SPACA7: variants seen among roughly 807,000 people sequenced by gnomAD.
SPACA7 encodes the protein sperm acrosome-associated protein 7.
SPACA7 carries 19 observed loss-of-function variants against 26.3 expected under a neutral mutation model. The ratio of observed to expected loss-of-function variants is 0.72; its 90% CI spans 0.50 to 1.06. The LOEUF (loss-of-function observed/expected upper bound fraction) is 1.06, where lower values mean the gene tolerates loss of function less well. SPACA7 is among the 50% of genes least tolerant of loss of function. The pLI, the probability that SPACA7 is intolerant of heterozygous loss-of-function variation, is 0.00. For missense variants in SPACA7, 211 were observed against 229.9 expected, an observed-to-expected ratio of 0.92 and a Z score of 0.53; for synonymous variants, 84 against 84.5, an observed-to-expected ratio of 0.99 and a Z score of 0.04.
intron 1 of SPACA7, among the ~76,000 whole-genome samples, chr13:112,380,872 A>G (rs532719147): frequency 6.6e-6 from 1 of 152,238 alleles, no homozygotes; most frequent in African/African-American, 2.4e-5. Flanking sequence ...TCAACAGAGA[A>G]AACTAGGAGT....
At chr13:112,383,703 C>T (rs1884354182) in intron 1 of SPACA7, among the ~76,000 whole-genome samples, 2 of 152,180 alleles carry the variant, frequency 1.3e-5, no homozygotes, top group African/African-American at 4.8e-5. Context: ...GGTCAGGAAC[C>T]TTGTACAGGG....
intron 5 of SPACA7, among the ~76,000 whole-genome samples, chr13:112,427,495 T>C (rs1371646272): frequency 1.3e-5 from 2 of 152,236 alleles, no homozygotes; most frequent in African/African-American, 4.8e-5. Flanking sequence ...GGGACATTGG[T>C]CTGTGGTTTG....
Position 112,376,497 on chromosome 13 carries a change from T to C in SPACA7, c.94+18T>C. On this transcript the variant is annotated intron_variant, in intron 1 of 6. Transcript: ENST00000283550. ...GATTCCAGGTAGGGCCCCACAGGGA[T>C]GTCTCAGCAGAAAGAGAACTGAACC... is the stretch of plus-strand genomic sequence containing the variant. The C allele has an allele frequency of 6.2e-7, 1 of 1,607,862 alleles. No homozygotes were observed. Among genetic ancestry groups the C allele is most frequent in the South Asian group, 1.1e-5 (1 of 89,796 alleles).
At chr13:112,376,795 A>ACG (rs1883726453) in intron 1 of SPACA7, among the ~76,000 whole-genome samples, 1 of 152,070 alleles carries the variant, frequency 6.6e-6, no homozygotes, top group East Asian at 1.9e-4. Flanking sequence ...CTACACACAC[A>ACG]CACATACACA....
At chr13:112,412,839 A>G (rs1462559848) in intron 5 of SPACA7, among the ~76,000 whole-genome samples, 2 of 152,142 alleles carry the variant, frequency 1.3e-5, no homozygotes, top group East Asian at 3.8e-4. Context: ...TGTATTTATT[A>G]CAGATTTTTG....
At chr13:112,391,730 TC>T (rs2138910963) in intron 1 of SPACA7, among the ~76,000 whole-genome samples, 1 of 152,318 alleles carries the variant, frequency 6.6e-6, no homozygotes, top group Non-Finnish European at 1.5e-5. Context: ...GCACAATACT[TC>T]CATTATAATT....
intron 2 of SPACA7, among the ~76,000 whole-genome samples, chr13:112,396,369 C>A (rs1018757202): frequency 1.3e-5 from 2 of 152,142 alleles, no homozygotes. Flanking sequence ...TCAGCTGAAT[C>A]CTATCCTCTG....
chr13:112,403,671 G>A (rs1244905449), intron 5 of SPACA7, among the ~76,000 whole-genome samples: 5 of 152,102 alleles, frequency 3.3e-5, no homozygotes, highest in African/African-American at 1.2e-4. Flanking sequence ...GAGAACATAC[G>A]ATGTTTGGTT....
chr13:112,386,490 GT>G (rs1025543664), intron 1 of SPACA7, among the ~76,000 whole-genome samples: 13 of 151,638 alleles, frequency 8.6e-5, no homozygotes, highest in Non-Finnish European at 1.5e-4. Context: ...GTCTTTTTTT[GT>G]TTGTTTTTTG....
chr13:112,378,153 C>T (rs949882405), intron 1 of SPACA7, among the ~76,000 whole-genome samples: 1 of 152,096 alleles, frequency 6.6e-6, no homozygotes. Flanking sequence ...CTCACTAACA[C>T]CCAGTCAGGA....
intron 4 of SPACA7, among the ~76,000 whole-genome samples, chr13:112,400,515 T>A (rs1762629183): frequency 6.6e-6 from 1 of 152,172 alleles, no homozygotes; most frequent in African/African-American, 2.4e-5. Context: ...ATTACTATAG[T>A]CTGTGGGTTA....
At chr13:112,421,370 AG>A (rs1467699121) in intron 5 of SPACA7, among the ~76,000 whole-genome samples, 10 of 152,302 alleles carry the variant, frequency 6.6e-5, no homozygotes, top group Admixed American at 2.0e-4. Context: ...ATATTTGTAA[AG>A]CCTAGATCCA....
rs149604052 is a variant in SPACA7, at chr13:112,390,465, C to T, written c.95-2556C>T. Among the ~76,000 whole-genome samples, 22 of 146,646 alleles carry T rather than the reference C, an allele frequency of 1.5e-4. 1 individual carries two copies. The East Asian group carries it at 1.9e-3, about 13-fold the overall frequency. On this transcript the variant is annotated intron_variant, in intron 1 of 6. Coordinates refer to ENST00000283550, the MANE Select transcript of SPACA7 (RefSeq NM_145248.5). ...AAAAAATGGCAGTGTTAGCACAATC[C>T]GAGAGCAGCATTTTTGGCCCTCTGT... is the stretch of plus-strand genomic sequence containing the variant.
At chr13:112,430,792 C>T (rs1471104988) in intron 5 of SPACA7, among the ~76,000 whole-genome samples, 2 of 152,202 alleles carry the variant, frequency 1.3e-5, no homozygotes, top group Non-Finnish European at 2.9e-5. Context: ...GCATCATATA[C>T]TCTTCCCTGG....
At chr13:112,433,694 A>G (rs1186089550) in intron 6 of SPACA7, among the ~76,000 whole-genome samples, 1 of 151,604 alleles carries the variant, frequency 6.6e-6, no homozygotes, top group Non-Finnish European at 1.5e-5. Context: ...TGGGGCCCCC[A>G]GCCCCCCAAG....
chr13:112,404,978 CTTTT>C (rs373253878), intron 5 of SPACA7, among the ~76,000 whole-genome samples: 209 of 94,252 alleles, frequency 2.2e-3, no homozygotes, highest in African/African-American at 6.7e-3. Flanking sequence ...GTATTCTCTT[CTTTT>C]TTTTTTTTTT....
intron 5 of SPACA7, among the ~76,000 whole-genome samples, chr13:112,409,638 G>C (rs905368034): frequency 6.6e-6 from 1 of 152,210 alleles, no homozygotes; most frequent in African/African-American, 2.4e-5. Flanking sequence ...CTGGCCATCA[G>C]AGAAATGCAA....
chr13:112,425,136 G>A (rs552508101), intron 5 of SPACA7, among the ~76,000 whole-genome samples: 1 of 152,296 alleles, frequency 6.6e-6, no homozygotes, highest in Admixed American at 6.5e-5. Context: ...AACCTGACAG[G>A]ACAGCCATGT....
chr13:112,420,263 A>G (rs1886932848), intron 5 of SPACA7, among the ~76,000 whole-genome samples: 1 of 152,030 alleles, frequency 6.6e-6, no homozygotes, highest in Non-Finnish European at 1.5e-5. Context: ...CCAGACACAG[A>G]GATGTCCCAG....
Sources: gnomAD v4.1 joint callset for allele counts (sites outside exome capture counted in the v4.1 genomes callset) on GRCh38, gnomAD v4.1.1 for gene constraint, MANE v1.5 for transcripts, NCBI Gene and HGNC (gene_info 2026-07-23, HGNC 2026-07-21) for gene names.